The following ARHGEF28 variants were observed in gnomAD, a reference collection of about 807,000 sequenced individuals.
The protein encoded by ARHGEF28 is Rho guanine nucleotide exchange factor 28.
In ARHGEF28, 152 loss-of-function variants were observed where a neutral mutation model predicts 206.6. That is an observed-to-expected ratio of 0.74 (90% confidence interval 0.64 to 0.84). The LOEUF (loss-of-function observed/expected upper bound fraction) is 0.84. Ranked by LOEUF, ARHGEF28 falls within the 40% of genes least tolerant of loss-of-function variation. The pLI, the probability that ARHGEF28 is intolerant of heterozygous loss-of-function variation, is 0.00. For synonymous variants in ARHGEF28, 763 were observed against 776.4 expected (o/e 0.98, Z 0.29); for missense variants, 2,028 against 2,073.2 (o/e 0.98, Z 0.42).
rs1241731476 is a variant in ARHGEF28 at position 73,941,133 on chromosome 5, A to C, written c.*120A>C. On this transcript the variant is annotated 3_prime_UTR_variant, in exon 36 of 36. Transcript: ENST00000513042. Reference sequence around the variant, plus strand: ...CAAATTGCTTTAAGAATAATATTTAATATTTCCTGGAAGCTCATTTTTTTG... The same window carrying C: ...CAAATTGCTTTAAGAATAATATTTACTATTTCCTGGAAGCTCATTTTTTTG... 1 of 1,034,862 alleles carries C rather than the reference A, an allele frequency of 9.7e-7. No homozygotes were observed. Among genetic ancestry groups the C allele is most frequent in the African/African-American group, 1.7e-5 (1 of 60,112 alleles). The allele number at this position is 1,034,862 out of a possible 1,614,324, so 64.1% of individuals were successfully genotyped here. A position where few individuals can be genotyped will look rare whatever the true frequency, so the allele number is the denominator to read the frequency against.
At chr5:73,659,964 T>C (rs1443871060) in intron 1 of ARHGEF28, among the ~76,000 whole-genome samples, 1 of 152,142 alleles carries the variant, frequency 6.6e-6, no homozygotes, top group East Asian at 1.9e-4. Context: ...AGTTTGGTGG[T>C]TGCTGAAGGT....
chr5:73,701,065 A>G (rs1208645845), intron 2 of ARHGEF28, among the ~76,000 whole-genome samples: 2 of 152,168 alleles, frequency 1.3e-5, no homozygotes, highest in Non-Finnish European at 2.9e-5. Flanking sequence ...TTTATTAATA[A>G]AGGTATTTTA....
At chr5:73,809,221 A>G (rs1755693513) in intron 9 of ARHGEF28, among the ~76,000 whole-genome samples, 1 of 151,576 alleles carries the variant, frequency 6.6e-6, no homozygotes. Flanking sequence ...AAAACAAAAC[A>G]CAAAAAACTG....
chr5:73,832,102 C>A (rs768460906), intron 9 of ARHGEF28, among the ~76,000 whole-genome samples: 4 of 152,194 alleles, frequency 2.6e-5, no homozygotes, highest in African/African-American at 4.8e-5. Context: ...GGGAAAATAA[C>A]GCTTGAAGTG....
chr5:73,702,993 C>A (rs1355504755), intron 2 of ARHGEF28, among the ~76,000 whole-genome samples: 1 of 152,156 alleles, frequency 6.6e-6, no homozygotes, highest in African/African-American at 2.4e-5. Flanking sequence ...CAAAGAATAT[C>A]TAAATCTGTT....
At position 73,842,270 on chromosome 5, in the gene ARHGEF28, T is replaced by C. The variant is rs144399833; in HGVS notation, c.1427+1510T>C. Among the ~76,000 whole-genome samples, 580 of 152,286 alleles carry C rather than the reference T, an allele frequency of 3.8e-3. 5 individuals carry two copies. The highest frequency in any genetic ancestry group is 5.4e-3 in the Non-Finnish European group (370 of 68,030). On this transcript the variant is annotated intron_variant, in intron 11 of 35. Coordinates refer to ENST00000513042, the MANE Select transcript of ARHGEF28 (RefSeq NM_001177693.2). ...AGTGAACATAAAATGCACACACATA[T>C]GTGACTATGTATATAAATATTTCTC... is the stretch of plus-strand genomic sequence containing the variant.
At chr5:73,828,682 TTC>T (rs553660410) in intron 9 of ARHGEF28, among the ~76,000 whole-genome samples, 36 of 151,904 alleles carry the variant, frequency 2.4e-4, no homozygotes, top group Non-Finnish European at 4.4e-4. Flanking sequence ...TTTCCTTTCT[TTC>T]TCTTTCTCTT....
chr5:73,740,006 CAAAA>C (rs1163854911), intron 2 of ARHGEF28, among the ~76,000 whole-genome samples: 1 of 124,560 alleles, frequency 8.0e-6, no homozygotes, highest in Non-Finnish European at 1.7e-5. Flanking sequence ...TTGTCTCTAC[CAAAA>C]AAAAAAAAAA....
intron 1 of ARHGEF28, among the ~76,000 whole-genome samples, chr5:73,669,670 A>C (rs755814151): frequency 2.7e-5 from 4 of 146,410 alleles, no homozygotes; most frequent in Non-Finnish European, 6.0e-5. Flanking sequence ...ATCTCATTCA[A>C]CTTTACTAAG....
chr5:73,704,488 G>A (rs560631271), intron 2 of ARHGEF28, among the ~76,000 whole-genome samples: 4 of 152,004 alleles, frequency 2.6e-5, no homozygotes, highest in South Asian at 2.1e-4. Context: ...GCAGTGGAGC[G>A]ACCTTGGCTT....
chr5:73,787,154 C>T (rs953196438), intron 7 of ARHGEF28, among the ~76,000 whole-genome samples: 1 of 152,156 alleles, frequency 6.6e-6, no homozygotes, highest in Admixed American at 6.6e-5. Flanking sequence ...AGATATAGGT[C>T]CTTTAAGCCA....
intron 2 of ARHGEF28, among the ~76,000 whole-genome samples, chr5:73,745,597 A>G (rs144026164): frequency 6.6e-6 from 1 of 152,200 alleles, no homozygotes; most frequent in East Asian, 1.9e-4. Context: ...GTGTATTTAT[A>G]TTGAACTATG....
intron 35 of ARHGEF28, among the ~76,000 whole-genome samples, chr5:73,935,646 T>G (rs777678545): frequency 2.0e-5 from 3 of 152,214 alleles, no homozygotes; most frequent in Non-Finnish European, 4.4e-5. Flanking sequence ...AATCAACCAC[T>G]AAACAGGGAA....
chr5:73,933,843 C>T (rs1764268552), intron 35 of ARHGEF28, among the ~76,000 whole-genome samples: 2 of 151,014 alleles, frequency 1.3e-5, no homozygotes, highest in Non-Finnish European at 2.9e-5. Context: ...ATGATCATCA[C>T]ATCTAAAAAA....
intron 35 of ARHGEF28, among the ~76,000 whole-genome samples, chr5:73,913,644 A>G (rs1763038163): frequency 6.6e-6 from 1 of 152,170 alleles, no homozygotes; most frequent in Non-Finnish European, 1.5e-5. Context: ...GCTGGGTGGT[A>G]ACAGCTGATG....
chr5:73,873,117 C>G lies in ARHGEF28; in HGVS notation c.2685C>G (p.Pro895=). 1 of 1,613,014 alleles carries G rather than the reference C, an allele frequency of 6.2e-7. No individual in the cohort carries two copies. The highest frequency in any genetic ancestry group is 8.5e-7 in the Non-Finnish European group (1 of 1,179,494). Reference sequence around the variant, plus strand: ...ACAGCACCGTGGATAAAATTTTCCCCTGTTTAGATGAGTTGCTTGAAATCC... The same window carrying G: ...ACAGCACCGTGGATAAAATTTTCCCGTGTTTAGATGAGTTGCTTGAAATCC... ...LDHSTVDKIF[P]CLDELLEIHR... The change falls in exon 22 of 36, where the codon CCC becomes CCG. Residue 895 remains proline (P), a synonymous_variant. Coordinates refer to ENST00000513042, the MANE Select transcript of ARHGEF28 (RefSeq NM_001177693.2).
chr5:73,704,911 G>A (rs1406674775), intron 2 of ARHGEF28, among the ~76,000 whole-genome samples: 1 of 152,126 alleles, frequency 6.6e-6, no homozygotes, highest in African/African-American at 2.4e-5. Flanking sequence ...TGGCTCACTG[G>A]GATGTTATCC....
intron 27 of ARHGEF28, 128 bp downstream of exon 27, chr5:73,892,358 G>T: frequency 5.2e-6 from 5 of 963,614 alleles, no homozygotes; most frequent in Non-Finnish European, 6.0e-6. Context: ...CCCTGCACCT[G>T]CCTGCGATAG....
At chr5:73,696,374 AC>A (rs1178167126) in intron 2 of ARHGEF28, among the ~76,000 whole-genome samples, 2 of 152,014 alleles carry the variant, frequency 1.3e-5, no homozygotes, top group Admixed American at 1.3e-4. Context: ...CCTGGCCAGG[AC>A]CTTTGTATGT....
Sources: gnomAD v4.1 joint callset for allele counts (sites outside exome capture counted in the v4.1 genomes callset) on GRCh38, gnomAD v4.1.1 for gene constraint, MANE v1.5 for transcripts, NCBI Gene and HGNC (gene_info 2026-07-23, HGNC 2026-07-21) for gene names.